EML4: variants seen among roughly 807,000 people sequenced by gnomAD.
EML4 encodes echinoderm microtubule-associated protein-like 4.
EML4 carries 72 observed loss-of-function variants against 129.0 expected under a neutral mutation model. The observed-to-expected ratio is 0.56, with a 90% CI of 0.46 to 0.68. EML4 has a LOEUF of 0.68. Ranked by LOEUF, EML4 falls within the 30% of genes least tolerant of loss-of-function variation. EML4 has a pLI of 0.00. For missense variants in EML4, 1,363 were observed against 1,190.6 expected, an observed-to-expected ratio of 1.14 and a Z score of -2.13; for synonymous variants, 532 against 405.0, an observed-to-expected ratio of 1.31 and a Z score of -3.77.
At chr2:42,294,712 T>A (rs536661048) in intron 11 of EML4, among the ~76,000 whole-genome samples, 89 of 151,714 alleles carry the variant, frequency 5.9e-4, no homozygotes, top group African/African-American at 2.1e-3. Context: ...AAAAAAAAAT[T>A]GTTGCGTGAA....
intron 1 of EML4, among the ~76,000 whole-genome samples, chr2:42,205,283 C>G (rs763543326): frequency 1.3e-5 from 2 of 152,140 alleles, no homozygotes; most frequent in Non-Finnish European, 2.9e-5. Context: ...TGATACAATT[C>G]TGAATTAAAA....
At chr2:42,278,105 C>G (rs115877337) in intron 6 of EML4, among the ~76,000 whole-genome samples, 1 of 152,188 alleles carries the variant, frequency 6.6e-6, no homozygotes, top group African/African-American at 2.4e-5. Flanking sequence ...TTGGCAAGTG[C>G]TAGACATTTC....
At chr2:42,290,885 T>C (rs6544534) in intron 11 of EML4, among the ~76,000 whole-genome samples, 85,877 of 152,112 alleles carry the variant, frequency 0.56, 25,680 homozygotes, top group African/African-American at 0.77. Flanking sequence ...TATATACATT[T>C]AGCAGAGTCA....
chr2:42,262,380 C>T (rs1252559410), intron 4 of EML4, among the ~76,000 whole-genome samples: 3 of 152,058 alleles, frequency 2.0e-5, no homozygotes, highest in African/African-American at 7.2e-5. Flanking sequence ...ATTAACGTTA[C>T]ATAACTTTGG....
At chr2:42,182,881 T>C (rs1015714190) in intron 1 of EML4, among the ~76,000 whole-genome samples, 3 of 152,314 alleles carry the variant, frequency 2.0e-5, no homozygotes, top group Non-Finnish European at 4.4e-5. Flanking sequence ...TCATGTGGCC[T>C]TTTCTTTGTG....
At chr2:42,260,208 T>C (rs985134285) in intron 3 of EML4, among the ~76,000 whole-genome samples, 2 of 148,730 alleles carry the variant, frequency 1.3e-5, no homozygotes, top group African/African-American at 2.5e-5. Flanking sequence ...CGCACTGTCA[T>C]CCAGGCTGGA....
intron 1 of EML4, among the ~76,000 whole-genome samples, chr2:42,193,337 G>A (rs1671711120): frequency 6.6e-6 from 1 of 152,174 alleles, no homozygotes; most frequent in Non-Finnish European, 1.5e-5. Context: ...ACTGACACAT[G>A]TCTGTACTGC....
At chr2:42,221,792 C>A (rs1673620197) in intron 1 of EML4, among the ~76,000 whole-genome samples, 1 of 151,882 alleles carries the variant, frequency 6.6e-6, no homozygotes, top group African/African-American at 2.4e-5. Context: ...TTGGTAGAGA[C>A]AAGGTTTCGT....
chr2:42,228,436 T>C (rs952240768), intron 1 of EML4, among the ~76,000 whole-genome samples: 2 of 152,226 alleles, frequency 1.3e-5, no homozygotes, highest in African/African-American at 4.8e-5. Flanking sequence ...GCCTTCTTTT[T>C]TATTTGAAAT....
At chr2:42,307,134 G>C (rs891209720) in intron 17 of EML4, among the ~76,000 whole-genome samples, 2 of 152,310 alleles carry the variant, frequency 1.3e-5, no homozygotes, top group Admixed American at 1.3e-4. Flanking sequence ...AAACTGCTTT[G>C]GTTGAAGAAA....
Position 42,215,918 on chromosome 2 carries a change from CT to C in EML4, c.26-29577del, listed in dbSNP as rs534502696. 2.4e-3 allele frequency among the ~76,000 whole-genome samples: 365 copies of C among 149,840 alleles called. 3 individuals are homozygous for C. Among genetic ancestry groups the C allele is most frequent in the Non-Finnish European group, 1.8e-3 (120 of 67,268 alleles). On this transcript the variant is annotated intron_variant, in intron 1 of 22. Coordinates refer to ENST00000318522, the MANE Select transcript of EML4 (RefSeq NM_019063.5). The stretch of plus-strand genomic sequence containing the variant: ...GTAAGAAAAGGAGAAACTCATTTAT[CT>C]TTTTTTTTTCTTTTTTTTTGAAACG...
At chr2:42,312,856 C>T (rs776792913) in intron 17 of EML4, among the ~76,000 whole-genome samples, 5 of 150,950 alleles carry the variant, frequency 3.3e-5, no homozygotes, top group Admixed American at 2.6e-4. Flanking sequence ...CCTGGCCTGC[C>T]TGTCAGAAAA....
Position 42,210,325 on chromosome 2 carries a change from C to A in EML4, c.26-35180C>A, listed in dbSNP as rs573407067. Reference sequence around the variant, plus strand: ...TGTATCAGATATATTGTAGAATGTCCCTCTTTTGGAATTTGTCTGATGTTT... The same window carrying A: ...TGTATCAGATATATTGTAGAATGTCACTCTTTTGGAATTTGTCTGATGTTT... On this transcript the variant is annotated intron_variant, in intron 1 of 22. Transcript: ENST00000318522. Among the ~76,000 whole-genome samples, 5 of 152,058 alleles carry A rather than the reference C, an allele frequency of 3.3e-5. No homozygotes were observed. In the South Asian group the frequency reaches 6.2e-4, roughly 19 times the overall value.
chr2:42,174,379 C>A (rs571048694), intron 1 of EML4, among the ~76,000 whole-genome samples: 3 of 152,210 alleles, frequency 2.0e-5, no homozygotes, highest in South Asian at 2.1e-4. Context: ...CAACCTCTGC[C>A]TCCTGGGTTC....
intron 1 of EML4, among the ~76,000 whole-genome samples, chr2:42,171,960 A>G (rs1670308553): frequency 6.6e-6 from 1 of 152,132 alleles, no homozygotes; most frequent in African/African-American, 2.4e-5. Context: ...CTCTGCAGTT[A>G]ATTAGCCTAG....
chr2:42,295,904 T>A (rs748533805), intron 13 of EML4, among the ~76,000 whole-genome samples: 2 of 152,190 alleles, frequency 1.3e-5, no homozygotes, highest in Non-Finnish European at 2.9e-5. Context: ...AAACTCATAG[T>A]TCAATCCACT....
At chr2:42,222,376 T>C (rs1673663247) in intron 1 of EML4, among the ~76,000 whole-genome samples, 1 of 152,152 alleles carries the variant, frequency 6.6e-6, no homozygotes, top group Non-Finnish European at 1.5e-5. Context: ...TATTTTTAAA[T>C]GGTTGGAAAA....
At chr2:42,193,531 C>T (rs758537962) in intron 1 of EML4, among the ~76,000 whole-genome samples, 2 of 152,200 alleles carry the variant, frequency 1.3e-5, no homozygotes, top group Non-Finnish European at 2.9e-5. Context: ...CAAACCCAAT[C>T]TGATGCTATA....
In EML4 at chr2:42,256,573, G is replaced by C. The variant is rs142252734; in HGVS notation, c.281G>C (p.Ser94Thr). 7.4e-6 allele frequency: 12 copies of C among 1,613,898 alleles called. No homozygotes were observed. The African/African-American group carries it at 1.6e-4, about 22-fold the overall frequency. ...GGAAGTGGTGCAAACAGAAAACCAA[G>C]TCATACCAGTGCTGTCTCAATTGCA... ...TNGSGANRKP[S>T]HTSAVSIAGK... The change falls in exon 3 of 23, where the codon AGT becomes ACT. Residue 94 changes from serine to threonine, a missense_variant. Coordinates refer to ENST00000318522, the MANE Select transcript of EML4 (RefSeq NM_019063.5).
Sources: gnomAD v4.1 joint callset for allele counts (sites outside exome capture counted in the v4.1 genomes callset) on GRCh38, gnomAD v4.1.1 for gene constraint, MANE v1.5 for transcripts, NCBI Gene and HGNC (gene_info 2026-07-23, HGNC 2026-07-21) for gene names.